Variants in PTPRD observed in about 807,000 individuals in gnomAD.
The protein encoded by PTPRD is protein tyrosine phosphatase receptor type D.
PTPRD carries 34 observed loss-of-function variants against 214.5 expected under a neutral mutation model. That is an observed-to-expected ratio of 0.16 (90% CI 0.12 to 0.21). The LOEUF is 0.21. Among genes scored for constraint, PTPRD ranks in the 10% least tolerant of loss-of-function variants. The pLI is 1.00. For missense variants in PTPRD, 2,545 were observed against 2,398.7 expected, an observed-to-expected ratio of 1.06 and a Z score of -1.27; for synonymous variants, 1,128 against 845.7, an observed-to-expected ratio of 1.33 and a Z score of -5.79.
rs1386508079 is a variant in PTPRD, at chr9:8,943,389, AC to A, written c.-104+75307del. Reference sequence around the variant, plus strand: ...ACTTCAAATTATACTACAGAGCTATACTAGCCAAAACAGCATGGTTCTGAGA... The same window carrying A: ...ACTTCAAATTATACTACAGAGCTATATAGCCAAAACAGCATGGTTCTGAGA... On this transcript the variant is annotated intron_variant, in intron 11 of 45. Transcript: ENST00000381196. Among the ~76,000 whole-genome samples the A allele has an allele frequency of 2.0e-5, 3 of 152,092 alleles. No homozygotes were observed. The East Asian group carries it at 5.8e-4, about 29-fold the overall frequency.
intron 10 of PTPRD, among the ~76,000 whole-genome samples, chr9:9,102,007 T>A (rs975946485): frequency 2.6e-5 from 4 of 152,208 alleles, no homozygotes; most frequent in Admixed American, 2.0e-4. Flanking sequence ...TTTGACTTAG[T>A]GCTTAACATA....
intron 12 of PTPRD, among the ~76,000 whole-genome samples, chr9:8,698,010 T>G (rs1382985324): frequency 6.6e-6 from 1 of 152,216 alleles, no homozygotes; most frequent in African/African-American, 2.4e-5. Flanking sequence ...CACAGTCCTC[T>G]GTAGTCTCTG....
At chr9:9,305,346 G>C (rs539396395) in intron 9 of PTPRD, among the ~76,000 whole-genome samples, 1 of 152,148 alleles carries the variant, frequency 6.6e-6, no homozygotes, top group Non-Finnish European at 1.5e-5. Context: ...TTAAACAGAA[G>C]ACAGTAAAAT....
intron 7 of PTPRD, among the ~76,000 whole-genome samples, chr9:9,643,090 T>A (rs1247136558): frequency 6.6e-6 from 1 of 152,202 alleles, no homozygotes; most frequent in Non-Finnish European, 1.5e-5. Flanking sequence ...AGAGAGAGAT[T>A]TGAGTTGGTA....
rs372264140 is a variant in PTPRD at position 9,399,642 on chromosome 9, T to TG, written c.-236-2161dup. 2.2e-3 allele frequency among the ~76,000 whole-genome samples: 329 copies of TG among 152,060 alleles called. 2 individuals are homozygous for TG. Among genetic ancestry groups the TG allele is most frequent in the East Asian group, 9.3e-3 (48 of 5,140 alleles). ...GATCCAGTGAGAAGTAATTGAATCA[T>TG]GGGGGGCGGGTCTTTCCCATGTGGT... On this transcript the variant is annotated intron_variant, in intron 8 of 45. Transcript: ENST00000381196.
chr9:8,844,832 T>A (rs954996211), intron 11 of PTPRD, among the ~76,000 whole-genome samples: 5 of 152,188 alleles, frequency 3.3e-5, no homozygotes, highest in Admixed American at 3.3e-4. Flanking sequence ...CATCTCCTAC[T>A]TTGGTAGTTG....
intron 3 of PTPRD, among the ~76,000 whole-genome samples, chr9:10,077,533 G>A (rs2098152656): frequency 6.6e-6 from 1 of 152,054 alleles, no homozygotes; most frequent in South Asian, 2.1e-4. Flanking sequence ...ATATGTGCAG[G>A]TTTATTATAC....
intron 10 of PTPRD, among the ~76,000 whole-genome samples, chr9:9,069,063 T>C (rs1462377618): frequency 1.3e-5 from 2 of 152,150 alleles, no homozygotes; most frequent in Non-Finnish European, 2.9e-5. Flanking sequence ...AAATTAAGAA[T>C]ATGCTTTTAT....
intron 8 of PTPRD, among the ~76,000 whole-genome samples, chr9:9,458,322 T>C (rs1413572187): frequency 6.6e-6 from 1 of 152,060 alleles, no homozygotes; most frequent in Admixed American, 6.6e-5. Flanking sequence ...TCTGTATCTG[T>C]CAAGAAGAAA....
At chr9:9,701,481 G>C (rs115290477) in intron 7 of PTPRD, among the ~76,000 whole-genome samples, 1,543 of 152,206 alleles carry the variant, frequency 0.01, 17 homozygotes, top group African/African-American at 0.035. Flanking sequence ...GTACTCAAAG[G>C]TTTTAAATTT....
intron 11 of PTPRD, among the ~76,000 whole-genome samples, chr9:9,013,138 A>T (rs1015179238): frequency 1.3e-5 from 2 of 150,772 alleles, no homozygotes; most frequent in Non-Finnish European, 3.0e-5. Context: ...GCTAGCTCTT[A>T]TTTTTTTTTC....
At chr9:9,729,994 T>G (rs1047537519) in intron 7 of PTPRD, among the ~76,000 whole-genome samples, 5 of 152,142 alleles carry the variant, frequency 3.3e-5, no homozygotes, top group African/African-American at 9.6e-5. Flanking sequence ...TGGTTTGTTC[T>G]CTACAATTTA....
At chr9:9,793,054 A>G (rs574543380) in intron 5 of PTPRD, among the ~76,000 whole-genome samples, 5 of 152,234 alleles carry the variant, frequency 3.3e-5, no homozygotes, top group African/African-American at 9.6e-5. Context: ...TAACTTCTGG[A>G]TACTGTGTGT....
At chr9:9,560,796 G>A (rs2082724426) in intron 8 of PTPRD, among the ~76,000 whole-genome samples, 2 of 152,144 alleles carry the variant, frequency 1.3e-5, no homozygotes, top group Admixed American at 6.5e-5. Context: ...TTTCTCATTA[G>A]CAGCTTACTT....
At chr9:9,186,931 A>C (rs546131322) in intron 9 of PTPRD, among the ~76,000 whole-genome samples, 18 of 151,910 alleles carry the variant, frequency 1.2e-4, no homozygotes, top group African/African-American at 4.3e-4. Flanking sequence ...TATATTTACT[A>C]TATGGTATCC....
At chr9:10,392,405 G>T (rs2098086145) in intron 2 of PTPRD, among the ~76,000 whole-genome samples, 1 of 151,790 alleles carries the variant, frequency 6.6e-6, no homozygotes, top group African/African-American at 2.4e-5. Flanking sequence ...ATCAAAGGGA[G>T]TCAGCCCCAT....
intron 11 of PTPRD, among the ~76,000 whole-genome samples, chr9:8,891,971 A>G (rs1462132210): frequency 6.6e-6 from 1 of 152,018 alleles, no homozygotes. Context: ...CCCCTTCTTA[A>G]CGTCCCCTTA....
At chr9:10,293,554 A>C (rs2095591238) in intron 3 of PTPRD, among the ~76,000 whole-genome samples, 1 of 151,972 alleles carries the variant, frequency 6.6e-6, no homozygotes, top group Non-Finnish European at 1.5e-5. Context: ...TCCATCATTA[A>C]GTTTAGGATA....
At chr9:9,166,014 A>G (rs2099902943) in intron 10 of PTPRD, among the ~76,000 whole-genome samples, 1 of 152,190 alleles carries the variant, frequency 6.6e-6, no homozygotes, top group South Asian at 2.1e-4. Context: ...AAATTTAGTC[A>G]GGTACAATTG....
Sources: gnomAD v4.1 joint callset for allele counts (sites outside exome capture counted in the v4.1 genomes callset) on GRCh38, gnomAD v4.1.1 for gene constraint, MANE v1.5 for transcripts, NCBI Gene and HGNC (gene_info 2026-07-23, HGNC 2026-07-21) for gene names.